DCC: variants seen among roughly 807,000 people sequenced by gnomAD.
DCC encodes netrin receptor DCC.
DCC carries 58 observed loss-of-function variants against 172.5 expected under a neutral mutation model. That is an observed-to-expected ratio of 0.34 (90% CI 0.27 to 0.42). DCC has a LOEUF of 0.42. Ranked by LOEUF, DCC falls within the 10% of genes least tolerant of loss-of-function variation. The pLI is 1.00. For synonymous variants in DCC, 709 were observed against 644.5 expected, an observed-to-expected ratio of 1.10 and a Z score of -1.52; for missense variants, 1,740 against 1,791.0, an observed-to-expected ratio of 0.97 and a Z score of 0.51.
chr18:53,399,409 A>G (rs1194919668), intron 18 of DCC, among the ~76,000 whole-genome samples: 1 of 152,148 alleles, frequency 6.6e-6, no homozygotes, highest in Non-Finnish European at 1.5e-5. Flanking sequence ...CCAAGCTTTC[A>G]TGATATAGAG....
intron 2 of DCC, among the ~76,000 whole-genome samples, chr18:52,877,597 C>A (rs1286621782): frequency 1.3e-5 from 2 of 151,718 alleles, no homozygotes; most frequent in Non-Finnish European, 2.9e-5. Context: ...ATCCCAGGTA[C>A]TTTGGAGGTT....
rs567226409 is a variant in DCC, at chr18:53,001,553, T to C, written c.986-61752T>C. Among the ~76,000 whole-genome samples, 46 of 152,268 alleles carry C rather than the reference T, an allele frequency of 3.0e-4. 1 individual carries two copies. The highest frequency in any genetic ancestry group is 3.4e-3 in the Middle Eastern group (1 of 294). On this transcript the variant is annotated intron_variant, in intron 5 of 28. Transcript: ENST00000442544. ...GCATTTGAAAATAAAACGTTTTCTC[T>C]TGGATAACTTTCTGAAAAGTTTCAG...
chr18:52,362,853 A>G (rs908945783), intron 1 of DCC, among the ~76,000 whole-genome samples: 12 of 151,964 alleles, frequency 7.9e-5, no homozygotes, highest in African/African-American at 1.5e-4. Context: ...ATAAACATCT[A>G]TCTTTCTTTC....
chr18:53,289,301 G>A (rs1002637233), intron 12 of DCC, among the ~76,000 whole-genome samples: 25 of 152,076 alleles, frequency 1.6e-4, no homozygotes, highest in African/African-American at 5.8e-4. Flanking sequence ...CACACGAATA[G>A]GAGACAGCAA....
intron 3 of DCC, among the ~76,000 whole-genome samples, chr18:52,907,076 A>AAGCT (rs147625301): frequency 0.014 from 2,163 of 151,740 alleles, 40 homozygotes; most frequent in African/African-American, 0.049. Context: ...AACAGAAGCA[A>AAGCT]AGCTAGCATT....
chr18:53,185,666 T>G (rs936123326), intron 9 of DCC, among the ~76,000 whole-genome samples: 1 of 152,160 alleles, frequency 6.6e-6, no homozygotes, highest in African/African-American at 2.4e-5. Context: ...TTCAGAAAGT[T>G]CTCTCAGACA....
intron 7 of DCC, among the ~76,000 whole-genome samples, chr18:53,085,703 A>G (rs1041022379): frequency 4.6e-5 from 7 of 151,880 alleles, no homozygotes; most frequent in African/African-American, 1.7e-4. Context: ...CTAACTTCTC[A>G]GGTGGGAAGA....
chr18:53,244,712 G>C (rs1277117211), intron 12 of DCC, among the ~76,000 whole-genome samples: 1 of 152,044 alleles, frequency 6.6e-6, no homozygotes, highest in Non-Finnish European at 1.5e-5. Context: ...GATTTCAAGA[G>C]GGAGTGCACC....
At chr18:52,870,981 C>T (rs1160299484) in intron 2 of DCC, among the ~76,000 whole-genome samples, 2 of 152,110 alleles carry the variant, frequency 1.3e-5, no homozygotes, top group Non-Finnish European at 2.9e-5. Context: ...GTTACAGTCA[C>T]AGATCTGTTA....
chr18:52,818,418 T>TAAAAAAAA (rs55812629), intron 2 of DCC, among the ~76,000 whole-genome samples: 155 of 97,082 alleles, frequency 1.6e-3, no homozygotes, highest in African/African-American at 4.9e-3. Context: ...TCTCAAAAAG[T>TAAAAAAAA]AAAAAAAAAA....
At chr18:53,023,176 C>T (rs953758830) in intron 5 of DCC, among the ~76,000 whole-genome samples, 6 of 151,556 alleles carry the variant, frequency 4.0e-5, no homozygotes, top group Admixed American at 6.6e-5. Flanking sequence ...GAAGTATTTA[C>T]CAGTCTATAA....
At chr18:53,261,392 C>T (rs1388883591) in intron 12 of DCC, among the ~76,000 whole-genome samples, 2 of 152,162 alleles carry the variant, frequency 1.3e-5, no homozygotes, top group African/African-American at 4.8e-5. Flanking sequence ...GCACTAGCAT[C>T]AGGGGAGAGA....
intron 1 of DCC, among the ~76,000 whole-genome samples, chr18:52,671,194 C>T (rs182982452): frequency 9.9e-5 from 15 of 152,262 alleles, no homozygotes; most frequent in African/African-American, 3.1e-4. Context: ...TCTTCATAAT[C>T]CAAGACAATG....
At chr18:53,020,586 A>G (rs2041866425) in intron 5 of DCC, among the ~76,000 whole-genome samples, 1 of 152,170 alleles carries the variant, frequency 6.6e-6, no homozygotes. Flanking sequence ...TCCTAGCCCT[A>G]GTGTACATGT....
rs997195294 is a variant in DCC, at chr18:53,180,134, G to C, written c.1573+1018G>C. ...TAACCTTTGTATTCTATCACTTCTTGGGTGGTTTAAATCAGCAAGTCGAAG... is the reference window on the plus strand; with the variant it reads ...TAACCTTTGTATTCTATCACTTCTTCGGTGGTTTAAATCAGCAAGTCGAAG... On this transcript the variant is annotated intron_variant, in intron 9 of 28. Coordinates refer to ENST00000442544, the MANE Select transcript of DCC (RefSeq NM_005215.4). Among the ~76,000 whole-genome samples, 4 of 152,114 alleles carry C rather than the reference G, an allele frequency of 2.6e-5. No homozygotes were observed. In the South Asian group the frequency reaches 8.3e-4, roughly 32 times the overall value.
At chr18:52,819,337 A>G (rs550047281) in intron 2 of DCC, among the ~76,000 whole-genome samples, 112 of 152,360 alleles carry the variant, frequency 7.4e-4, no homozygotes, top group African/African-American at 2.6e-3. Flanking sequence ...AATTTTCTCA[A>G]TTATAAAGAT....
At chr18:53,319,291 T>G (rs2057379815) in intron 13 of DCC, among the ~76,000 whole-genome samples, 1 of 152,162 alleles carries the variant, frequency 6.6e-6, no homozygotes, top group African/African-American at 2.4e-5. Context: ...GTAGGCTAAA[T>G]GCCCCAATTA....
At chr18:52,586,096 A>AAC (rs2033667509) in intron 1 of DCC, among the ~76,000 whole-genome samples, 1 of 151,152 alleles carries the variant, frequency 6.6e-6, no homozygotes, top group Non-Finnish European at 1.5e-5. Flanking sequence ...AAAAAAAAAA[A>AAC]AAAAAAAAAA....
At chr18:52,401,094 A>T (rs143481541) in intron 1 of DCC, among the ~76,000 whole-genome samples, 1,977 of 152,096 alleles carry the variant, frequency 0.013, 43 homozygotes, top group African/African-American at 0.044. Context: ...CCCAGAACTT[A>T]AAGAATAATA....
Sources: allele counts gnomAD v4.1 joint callset (sites outside exome capture counted in the v4.1 genomes callset), GRCh38; gene constraint gnomAD v4.1.1; transcripts MANE v1.5; gene names NCBI Gene and HGNC (gene_info 2026-07-23, HGNC 2026-07-21).